The following ST8SIA2 variants were observed in gnomAD, a reference collection of about 807,000 sequenced individuals.
ST8SIA2 encodes the protein alpha-2,8-sialyltransferase 8B.
Under a neutral mutation model 37.6 loss-of-function variants are expected in ST8SIA2, and 22 were observed. The ratio of observed to expected loss-of-function variants is 0.58; its 90% CI spans 0.42 to 0.83. The LOEUF (loss-of-function observed/expected upper bound fraction) is 0.83. Ranked by LOEUF, ST8SIA2 falls within the 40% of genes least tolerant of loss-of-function variation. ST8SIA2 has a pLI of 0.00. For synonymous variants in ST8SIA2, 205 were observed against 201.2 expected, an observed-to-expected ratio of 1.02 and a Z score of -0.16; for missense variants, 382 against 484.7, an observed-to-expected ratio of 0.79 and a Z score of 1.99.
chr15:92,405,936 G>A (rs543184772), intron 1 of ST8SIA2, among the ~76,000 whole-genome samples: 1 of 152,210 alleles, frequency 6.6e-6, no homozygotes, highest in African/African-American at 2.4e-5. Flanking sequence ...GGGGAGAGAG[G>A]CCAAGACAGT....
At chr15:92,462,917 A>G (rs2049967495) in intron 5 of ST8SIA2, among the ~76,000 whole-genome samples, 1 of 152,246 alleles carries the variant, frequency 6.6e-6, no homozygotes, top group South Asian at 2.1e-4. Context: ...ATGGAACGTA[A>G]GAGGATGACA....
At chr15:92,449,503 G>T (rs569456361) in intron 5 of ST8SIA2, among the ~76,000 whole-genome samples, 1 of 152,176 alleles carries the variant, frequency 6.6e-6, no homozygotes, top group Non-Finnish European at 1.5e-5. Flanking sequence ...AGAATGATTT[G>T]TTTTCTTTTG....
chr15:92,440,043 T>A (rs931696206), intron 4 of ST8SIA2, among the ~76,000 whole-genome samples: 1 of 152,116 alleles, frequency 6.6e-6, no homozygotes, highest in Non-Finnish European at 1.5e-5. Context: ...GCTTTACACA[T>A]CCCATGAAGT....
chr15:92,398,970 G>A (rs2049451573), intron 1 of ST8SIA2, among the ~76,000 whole-genome samples: 1 of 152,180 alleles, frequency 6.6e-6, no homozygotes, highest in South Asian at 2.1e-4. Context: ...GAATGAGGAG[G>A]ACCAGAGGAG....
chr15:92,423,191 A>T (rs1350344670), intron 1 of ST8SIA2, among the ~76,000 whole-genome samples: 2 of 152,228 alleles, frequency 1.3e-5, no homozygotes, highest in African/African-American at 4.8e-5. Context: ...TCTTTAGATG[A>T]TGCAAAAGTT....
At chr15:92,424,367 C>G (rs557297720) in intron 1 of ST8SIA2, among the ~76,000 whole-genome samples, 1 of 151,970 alleles carries the variant, frequency 6.6e-6, no homozygotes, top group African/African-American at 2.4e-5. Flanking sequence ...TACACAGTTA[C>G]GAATTTTCAA....
chr15:92,398,439 T>C (rs1757340966), intron 1 of ST8SIA2, among the ~76,000 whole-genome samples: 1 of 152,230 alleles, frequency 6.6e-6, no homozygotes, highest in Admixed American at 6.5e-5. Flanking sequence ...CAATAGCAAT[T>C]ATGACAACGG....
At chr15:92,414,264 C>T (rs2049570885) in intron 1 of ST8SIA2, among the ~76,000 whole-genome samples, 1 of 152,244 alleles carries the variant, frequency 6.6e-6, no homozygotes, top group Non-Finnish European at 1.5e-5. Context: ...TGGCTTCGTA[C>T]CTCTGCCTCT....
chr15:92,468,176 T>C lies in ST8SIA2; in HGVS notation c.*3791T>C, dbSNP rs1469294428. On this transcript the variant is annotated 3_prime_UTR_variant, in exon 6 of 6. Coordinates refer to ENST00000268164, the MANE Select transcript of ST8SIA2 (RefSeq NM_006011.4). ...TACCTCTGTGCACACTGACACGTGG[T>C]CCCGTCCATCCTGAACATGCACAGT... The C allele has an allele frequency of 1.3e-5, 2 of 152,662 alleles. No homozygotes were observed. Among genetic ancestry groups the C allele is most frequent in the African/African-American group, 4.8e-5 (2 of 41,444 alleles). The allele number at this position is 152,662 out of a possible 1,614,324, so 9.5% of individuals were successfully genotyped here.
At chr15:92,421,754 G>A (rs1293196859) in intron 1 of ST8SIA2, among the ~76,000 whole-genome samples, 1 of 152,232 alleles carries the variant, frequency 6.6e-6, no homozygotes, top group Non-Finnish European at 1.5e-5. Context: ...CCTAAAGAGA[G>A]ATTCAGGTAT....
chr15:92,464,076 T>TTC (rs1555454370), intron 5 of ST8SIA2, 24 bp from the exon 6 acceptor site: 2 of 1,397,288 alleles, frequency 1.4e-6, no homozygotes, highest in African/African-American at 3.4e-5. Flanking sequence ...TCTTTTCTTT[T>TTC]TTTTTTTTTT....
intron 5 of ST8SIA2, among the ~76,000 whole-genome samples, chr15:92,461,147 C>T (rs1000733675): frequency 1.3e-5 from 2 of 152,060 alleles, no homozygotes; most frequent in Non-Finnish European, 2.9e-5. Context: ...ACGCAGCCTC[C>T]TAAAAATTCC....
intron 1 of ST8SIA2, among the ~76,000 whole-genome samples, chr15:92,416,086 G>T (rs2049584317): frequency 6.6e-6 from 1 of 152,146 alleles, no homozygotes; most frequent in Non-Finnish European, 1.5e-5. Context: ...CTGTGTCTGT[G>T]TAGGGAGGGC....
rs750216509 is a variant in ST8SIA2 at position 92,444,936 on chromosome 15, G to A, written c.842+7G>A. The A allele has an allele frequency of 3.2e-5, 52 of 1,608,458 alleles. No individual in the cohort carries two copies. The highest frequency in any genetic ancestry group is 4.5e-5 in the East Asian group (2 of 44,882). ...TGCTGCACGCCGTTCGCGGGTGAGC[G>A]GCCTCCCTACAGGCCAGTAGGACCG... On this transcript the variant is annotated splice_region_variant and intron_variant, in intron 5 of 5. Coordinates refer to ENST00000268164, the MANE Select transcript of ST8SIA2 (RefSeq NM_006011.4).
At chr15:92,401,107 G>GAGTT (rs2049466862) in intron 1 of ST8SIA2, among the ~76,000 whole-genome samples, 2 of 152,032 alleles carry the variant, frequency 1.3e-5, no homozygotes, top group Admixed American at 1.3e-4. Context: ...AAGCAGAGAT[G>GAGTT]AGTTAGAGAC....
chr15:92,405,840 G>C (rs1156771352), intron 1 of ST8SIA2, among the ~76,000 whole-genome samples: 1 of 152,182 alleles, frequency 6.6e-6, no homozygotes, highest in Non-Finnish European at 1.5e-5. Context: ...CTGAATTCTT[G>C]TTGGCTGCCC....
intron 1 of ST8SIA2, among the ~76,000 whole-genome samples, chr15:92,397,151 C>T (rs1473707893): frequency 6.6e-6 from 1 of 152,154 alleles, no homozygotes; most frequent in Non-Finnish European, 1.5e-5. Context: ...GAAGGAACCT[C>T]TTTTGGGGGT....
chr15:92,450,593 G>A lies in ST8SIA2; in HGVS notation c.842+5664G>A, dbSNP rs150883231. ...TCTCACATGGCAGGAGCAAGAGAGA[G>A]AGGGAGGTGCTGCACACTTTTCAAC... On this transcript the variant is annotated intron_variant, in intron 5 of 5. Coordinates refer to ENST00000268164, the MANE Select transcript of ST8SIA2 (RefSeq NM_006011.4). 3.8e-3 allele frequency among the ~76,000 whole-genome samples: 573 copies of A among 152,276 alleles called. 4 individuals carry two copies. Among genetic ancestry groups the A allele is most frequent in the Middle Eastern group, 6.8e-3 (2 of 294 alleles).
intron 1 of ST8SIA2, among the ~76,000 whole-genome samples, chr15:92,401,214 G>A (rs2049468269): frequency 6.6e-6 from 1 of 152,168 alleles, no homozygotes; most frequent in Non-Finnish European, 1.5e-5. Context: ...CAGGGCGTGG[G>A]GACAAGCTCA....
Sources: gnomAD v4.1 joint callset for allele counts (sites outside exome capture counted in the v4.1 genomes callset) on GRCh38, gnomAD v4.1.1 for gene constraint, MANE v1.5 for transcripts, NCBI Gene and HGNC (gene_info 2026-07-23, HGNC 2026-07-21) for gene names.